CTNNA1: variants seen among roughly 807,000 people sequenced by gnomAD.
The protein encoded by CTNNA1 is catenin alpha-1.
A neutral mutation model predicts 98.4 loss-of-function variants in CTNNA1; 37 were observed. The observed-to-expected ratio is 0.38, with a 90% CI of 0.29 to 0.49. The LOEUF (loss-of-function observed/expected upper bound fraction) is 0.49, where lower values mean the gene tolerates loss of function less well. CTNNA1 is among the 20% of genes least tolerant of loss of function. CTNNA1 has a pLI of 0.95. For synonymous variants in CTNNA1, 404 were observed against 413.2 expected (o/e 0.98, Z 0.27); for missense variants, 761 against 1,147.2 (o/e 0.66, Z 4.86).
rs149114250 is a variant in CTNNA1, at chr5:138,873,955, T to G, written c.1063-12257T>G. On this transcript the variant is annotated intron_variant, in intron 7 of 17. Coordinates refer to ENST00000302763, the MANE Select transcript of CTNNA1 (RefSeq NM_001903.5). The surrounding 1 kb of genome is among the most constrained non-coding windows in gnomAD (Gnocchi z 6.1). ...GAAGCTCTCTCAGTTTAATTAATCC[T>G]GCAAATCCATTGCGAGCCAAACTTC... 1.2e-6 allele frequency: 2 copies of G among 1,614,022 alleles called. No homozygotes were observed. Among genetic ancestry groups the G allele is most frequent in the South Asian group, 1.1e-5 (1 of 91,084 alleles).
chr5:138,797,866 A>G lies in CTNNA1; in HGVS notation c.302-12172A>G, dbSNP rs906027973. 8.3e-5 allele frequency among the ~76,000 whole-genome samples: 12 copies of G among 144,088 alleles called. No individual in the cohort carries two copies. The East Asian group carries it at 1.5e-3, about 18-fold the overall frequency. 94.5% of individuals were successfully genotyped at this position (144,088 alleles called of 152,430 possible). On this transcript the variant is annotated intron_variant, in intron 3 of 17. Coordinates refer to ENST00000302763, the MANE Select transcript of CTNNA1 (RefSeq NM_001903.5). ...ACTTCTTTAAAACAAAATGAAACAA[A>G]ACAAAACAAAAAAACTGCTAAAAAA...
chr5:138,815,768 C>T (rs1759369318), intron 5 of CTNNA1, among the ~76,000 whole-genome samples: 1 of 151,798 alleles, frequency 6.6e-6, no homozygotes. Flanking sequence ...TTGTAGTTTT[C>T]CTTGGGCCTA....
intron 7 of CTNNA1, among the ~76,000 whole-genome samples, chr5:138,847,263 A>T (rs1255694751): frequency 6.7e-6 from 1 of 150,190 alleles, no homozygotes; most frequent in Non-Finnish European, 1.5e-5. Context: ...TGGAGGGAAG[A>T]GGAGACTGAC....
intron 9 of CTNNA1, among the ~76,000 whole-genome samples, chr5:138,892,172 CTG>C (rs1420124602): frequency 1.3e-5 from 2 of 152,072 alleles, no homozygotes; most frequent in African/African-American, 4.8e-5. Context: ...CTTCCTGAGG[CTG>C]TGTTACAGGC....
Position 138,787,093 on chromosome 5 carries a change from T to C in CTNNA1, c.301+3721T>C, listed in dbSNP as rs903895018. On this transcript the variant is annotated intron_variant, in intron 3 of 17. Coordinates refer to ENST00000302763, the MANE Select transcript of CTNNA1 (RefSeq NM_001903.5). ...TGTTTAGGATGGGGGTTGGTAAATT[T>C]CTTCTAGAAGGCCAGGTAATAAGTA... 8.5e-5 allele frequency among the ~76,000 whole-genome samples: 13 copies of C among 152,200 alleles called. No homozygotes were observed. In the South Asian group the frequency reaches 1.7e-3, roughly 19 times the overall value.
chr5:138,764,860 A>ATT (rs1752739486), intron 1 of CTNNA1, among the ~76,000 whole-genome samples: 1 of 115,380 alleles, frequency 8.7e-6, no homozygotes, highest in Admixed American at 1.0e-4. Context: ...AATTTGCTGT[A>ATT]TCTCTCTCTT....
At chr5:138,830,199 A>G (rs536813183) in intron 7 of CTNNA1, among the ~76,000 whole-genome samples, 2 of 150,848 alleles carry the variant, frequency 1.3e-5, no homozygotes, top group African/African-American at 4.9e-5. Flanking sequence ...TAAACAAACA[A>G]AAAACAGAAA....
At chr5:138,904,472 A>G (rs1758743759) in intron 10 of CTNNA1, 31 bp downstream of exon 10, 1 of 1,586,670 alleles carries the variant, frequency 6.3e-7, no homozygotes, top group South Asian at 1.1e-5. Context: ...GTGACAGCAT[A>G]ACCAAATTAA....
At chr5:138,926,488 C>G (rs1414035586) in intron 13 of CTNNA1, among the ~76,000 whole-genome samples, 2 of 151,164 alleles carry the variant, frequency 1.3e-5, no homozygotes, top group African/African-American at 4.8e-5. Context: ...CACACCTGTG[C>G]CCCTGTCCTG....
intron 7 of CTNNA1, among the ~76,000 whole-genome samples, chr5:138,865,986 T>C (rs1764719404): frequency 6.6e-6 from 1 of 152,148 alleles, no homozygotes; most frequent in Admixed American, 6.5e-5. Context: ...TTTTTGGCCC[T>C]CACGATGATG....
At chr5:138,810,309 GT>G in intron 4 of CTNNA1, 105 bp downstream of exon 4, 1 of 1,304,820 alleles carries the variant, frequency 7.7e-7, no homozygotes, top group Non-Finnish European at 1.1e-6. Flanking sequence ...TTTGAATTTG[GT>G]TTATCTCAAT....
chr5:138,793,147 A>AT (rs1756558114), intron 3 of CTNNA1, among the ~76,000 whole-genome samples: 1 of 152,232 alleles, frequency 6.6e-6, no homozygotes, highest in East Asian at 1.9e-4. Context: ...CATTTAATCC[A>AT]TTTTTTCTTG....
chr5:138,887,382 A>G (rs1293875981), intron 8 of CTNNA1, 108 bp from the exon 9 acceptor site: 5 of 751,820 alleles, frequency 6.7e-6, no homozygotes, highest in Admixed American at 3.1e-5. Flanking sequence ...AAGTGCAGCA[A>G]GTCTACCGTA....
In CTNNA1 at chr5:138,934,742, CTT is replaced by C. The variant is rs893331926; in HGVS notation, c.*659_*660del. 6.6e-6 allele frequency: 1 copy of C among 152,594 alleles called. No homozygotes were observed. Among genetic ancestry groups the C allele is most frequent in the African/African-American group, 2.4e-5 (1 of 41,418 alleles). The allele number at this position is 152,594 out of a possible 1,614,324, so 9.5% of individuals were successfully genotyped here. A position where few individuals can be genotyped will look rare whatever the true frequency, so the allele number is the denominator to read the frequency against. ...GTCTCGATGCCATAATCAGAACACA[CTT>C]TTTTTCCTCTTTCTCCCAGCTTCAA... On this transcript the variant is annotated 3_prime_UTR_variant, in exon 18 of 18. Coordinates refer to ENST00000302763, the MANE Select transcript of CTNNA1 (RefSeq NM_001903.5).
At chr5:138,806,111 T>G (rs1758057272) in intron 3 of CTNNA1, among the ~76,000 whole-genome samples, 1 of 152,246 alleles carries the variant, frequency 6.6e-6, no homozygotes, top group Non-Finnish European at 1.5e-5. Flanking sequence ...ATTGCACTTG[T>G]CCTAGCACCA....
intron 7 of CTNNA1, among the ~76,000 whole-genome samples, chr5:138,882,715 G>A (rs769997640): frequency 1.3e-5 from 2 of 152,186 alleles, no homozygotes; most frequent in South Asian, 2.1e-4. Context: ...ATAGTTATAC[G>A]CTACAGGGTT....
At chr5:138,754,482 C>G (rs1751404469) in intron 1 of CTNNA1, 1 of 151,908 alleles carries the variant, frequency 6.6e-6, no homozygotes, top group Non-Finnish European at 1.5e-5. Context: ...TGGAAAAGAG[C>G]GAGATATGTC....
chr5:138,783,388 T>C lies in CTNNA1; in HGVS notation c.301+16T>C. On this transcript the variant is annotated intron_variant, in intron 3 of 17. Coordinates refer to ENST00000302763, the MANE Select transcript of CTNNA1 (RefSeq NM_001903.5). The stretch of plus-strand genomic sequence containing the variant: ...CGAAAACAAGGTAGGTCATTACTGC[T>C]TTTTAGGTAAAGAGAGGCAGGCCTT... 2 of 1,596,918 alleles carry C rather than the reference T, an allele frequency of 1.3e-6. No homozygotes were observed. The highest frequency in any genetic ancestry group is 8.6e-7 in the Non-Finnish European group (1 of 1,169,494).
intron 7 of CTNNA1, among the ~76,000 whole-genome samples, chr5:138,881,833 T>A (rs1006991015): frequency 1.3e-5 from 2 of 152,224 alleles, no homozygotes; most frequent in East Asian, 3.8e-4. Flanking sequence ...GTTAAACTAA[T>A]CAGACCTCCT....
Sources: gnomAD v4.1 joint callset for allele counts (sites outside exome capture counted in the v4.1 genomes callset) on GRCh38, gnomAD v4.1.1 for gene constraint, Gnocchi (gnomAD v3.1) non-coding constraint, MANE v1.5 for transcripts, NCBI Gene and HGNC (gene_info 2026-07-23, HGNC 2026-07-21) for gene names.